Variants in ABCA10 observed in about 807,000 individuals in gnomAD.
The protein encoded by ABCA10 is ATP-binding cassette sub-family A member 10.
Under a neutral mutation model 187.5 loss-of-function variants are expected in ABCA10, and 169 were observed. The ratio of observed to expected loss-of-function variants is 0.90; its 90% confidence interval spans 0.80 to 1.02. The LOEUF (loss-of-function observed/expected upper bound fraction) is 1.02. ABCA10 is among the 50% of genes least tolerant of loss of function. The probability of loss-of-function intolerance (pLI) is 0.00; values close to 1 mark genes in which losing one functional copy is unlikely to be tolerated. For synonymous variants in ABCA10, 574 were observed against 601.8 expected (o/e 0.95, Z 0.68); for missense variants, 1,727 against 1,812.4 (o/e 0.95, Z 0.86).
intron 25 of ABCA10, among the ~76,000 whole-genome samples, chr17:69,170,248 A>G (rs2074287278): frequency 6.6e-6 from 1 of 150,706 alleles, no homozygotes; most frequent in South Asian, 2.1e-4. Flanking sequence ...AGATCGCCCC[A>G]CTGCACTCCA....
chr17:69,193,344 C>T lies in ABCA10; in HGVS notation c.1642-96G>A, dbSNP rs2074475415. Reference sequence around the variant, plus strand: ...CAAGTATGATTTCTAGACTCAAATACAGTCCTCCACCAGATCCCTAACAAG... The same window carrying T: ...CAAGTATGATTTCTAGACTCAAATATAGTCCTCCACCAGATCCCTAACAAG... On this transcript the variant is annotated intron_variant, in intron 14 of 38. Coordinates refer to ENST00000690296, the MANE Select transcript of ABCA10 (RefSeq NM_001377321.1). The T allele has an allele frequency of 2.6e-6, 4 of 1,534,802 alleles. 1 individual carries two copies. In the South Asian group the frequency reaches 3.8e-5, roughly 15 times the overall value.
rs140802240 is a variant in ABCA10 at position 69,201,632 on chromosome 17, A to G, written c.1043T>C (p.Leu348Pro). The G allele has an allele frequency of 9.9e-6, 16 of 1,608,292 alleles. No individual in the cohort carries two copies. In the African/African-American group the frequency reaches 2.1e-4, roughly 22 times the overall value. ...DGHGDSPLFF[L>P]KSSFWSKHQN... The stretch of plus-strand genomic sequence containing the variant: ...ATGTTTGGACCAAAATGAGGACTTA[A>G]GGAAAAATAATGGAGAATCCCCATG... The change falls in exon 10 of 39, where the codon CTT becomes CCT. Residue 348 changes from leucine (L) to proline (P), a missense_variant. Leu to Pro is a moderately conservative substitution (Grantham distance 98). Coordinates refer to ENST00000690296, the MANE Select transcript of ABCA10 (RefSeq NM_001377321.1).
chr17:69,174,760 C>G lies in ABCA10; in HGVS notation c.2895G>C (p.Gln965His). ...AAGGCCAGAGGCCTGAAATCCATAA[C>G]TGGGATTGAACATTTTTCTGACAAA... ...ISDYKKNVQSQLWISGLWPSA... is the reference protein window; with the variant it reads ...ISDYKKNVQSHLWISGLWPSA... The change falls in exon 24 of 39, where the codon CAG becomes CAC. Residue 965 changes from glutamine to histidine, a missense_variant. Gln to His is a conservative substitution (Grantham distance 24). Coordinates refer to ENST00000690296, the MANE Select transcript of ABCA10 (RefSeq NM_001377321.1). 6.3e-7 allele frequency: 1 copy of G among 1,584,486 alleles called. No individual in the cohort carries two copies. The highest frequency in any genetic ancestry group is 8.5e-7 in the Non-Finnish European group (1 of 1,169,834).
At chr17:69,174,944 T>C (rs1414160365) in intron 23 of ABCA10, among the ~76,000 whole-genome samples, 167 bp from the exon 24 acceptor site, 3 of 152,188 alleles carry the variant, frequency 2.0e-5, no homozygotes, top group African/African-American at 4.8e-5. Flanking sequence ...TGTGTAGTTA[T>C]TGGTTCAACA....
chr17:69,242,252 T>A (rs1259608562), intron 1 of ABCA10, among the ~76,000 whole-genome samples: 1 of 152,164 alleles, frequency 6.6e-6, no homozygotes, highest in East Asian at 1.9e-4. Context: ...TACTAGCCAA[T>A]ACATATACAT....
intron 11 of ABCA10, among the ~76,000 whole-genome samples, chr17:69,195,946 C>T (rs1453746217): frequency 1.3e-5 from 2 of 152,126 alleles, no homozygotes; most frequent in Non-Finnish European, 2.9e-5. Flanking sequence ...ATGGAGTCTC[C>T]CATGTCTACT....
intron 25 of ABCA10, among the ~76,000 whole-genome samples, chr17:69,171,350 A>G (rs920894969): frequency 2.0e-5 from 3 of 152,366 alleles, no homozygotes; most frequent in Non-Finnish European, 4.4e-5. Context: ...CAAAATTGAA[A>G]TTTTAAGTAG....
At chr17:69,222,836 G>T in intron 3 of ABCA10, 139 bp from the exon 4 acceptor site, 1 of 714,126 alleles carries the variant, frequency 1.4e-6, no homozygotes, top group Non-Finnish European at 2.0e-6. Flanking sequence ...TTAGTAAAAG[G>T]CTGAGTGAAA....
chr17:69,164,337 T>C (rs1878801833), intron 26 of ABCA10, among the ~76,000 whole-genome samples, 183 bp from the exon 27 acceptor site: 1 of 152,196 alleles, frequency 6.6e-6, no homozygotes, highest in South Asian at 2.1e-4. Context: ...TTTCCTTAGT[T>C]ATGAACTCCA....
At chr17:69,233,646 T>C (rs11871771), upstream of ABCA10, 62,062 of 152,102 alleles carry the variant, frequency 0.41, 13,714 homozygotes, top group South Asian at 0.52. Context: ...TGTCTGCACA[T>C]TGACGGATTA....
At chr17:69,242,092 A>C (rs1036304317) in intron 1 of ABCA10, among the ~76,000 whole-genome samples, 1 of 152,210 alleles carries the variant, frequency 6.6e-6, no homozygotes, top group Non-Finnish European at 1.5e-5. Context: ...CAATTTGTAA[A>C]GCTTGATGTA....
chr17:69,177,968 A>T (rs1158066548), intron 22 of ABCA10, among the ~76,000 whole-genome samples: 1,177 of 43,868 alleles, frequency 0.027, 38 homozygotes, highest in Non-Finnish European at 0.063. Flanking sequence ...AAAAAAAAAA[A>T]AAAAAATATA....
In ABCA10 at chr17:69,153,939, C is replaced by G; in HGVS notation, c.3857G>C (p.Cys1286Ser). Residue 1286 changes from cysteine to serine, a missense_variant, in exon 32 of 39, where the codon TGC (cysteine) becomes TCC (serine). Cys to Ser is a moderately radical substitution (Grantham distance 112, BLOSUM62 -1). Coordinates refer to ENST00000690296, the MANE Select transcript of ABCA10 (RefSeq NM_001377321.1). ...HDNSLKFLGY[C>S]PQENSLWPKL... ...GGGCCACAGTGAGTTCTCCTGAGGG[C>G]AGTACCCCAAGAACTTGAGGCTGTT... 6.2e-7 allele frequency: 1 copy of G among 1,614,046 alleles called. No homozygotes were observed. Among genetic ancestry groups the G allele is most frequent in the Non-Finnish European group, 8.5e-7 (1 of 1,179,976 alleles).
chr17:69,234,960 T>G (rs1450812706), intron 1 of ABCA10: 2 of 152,226 alleles, frequency 1.3e-5, no homozygotes, highest in African/African-American at 2.4e-5. Flanking sequence ...GAATTATCAA[T>G]TAAATTCTTA....
In ABCA10 at chr17:69,214,945, A is replaced by G. The variant is rs1797414391; in HGVS notation, c.859-94T>C. 6.9e-6 allele frequency: 6 copies of G among 872,390 alleles called. 1 individual carries two copies. The South Asian group carries it at 1.2e-4, about 18-fold the overall frequency. 54.0% of individuals were successfully genotyped at this position (872,390 alleles called of 1,614,324 possible). On this transcript the variant is annotated intron_variant, in intron 8 of 38. Coordinates refer to ENST00000690296, the MANE Select transcript of ABCA10 (RefSeq NM_001377321.1). The stretch of plus-strand genomic sequence containing the variant: ...AAAATAGTGGTACCTAGAGATATGT[A>G]ATTAATATTTTAATACCTTTTCAAA...
chr17:69,222,500 A>G, intron 4 of ABCA10, 33 bp downstream of exon 4: 1 of 1,486,142 alleles, frequency 6.7e-7, no homozygotes, highest in Non-Finnish European at 8.9e-7. Flanking sequence ...TGAAGTATCA[A>G]AAAAAAATTA....
rs1427709773 is a variant in ABCA10 at position 69,215,968 on chromosome 17, T to TATTAAA, written c.699_704dup (p.Leu234_Ile235dup). 6.2e-7 allele frequency: 1 copy of TATTAAA among 1,613,148 alleles called. No individual in the cohort carries two copies. Among genetic ancestry groups the TATTAAA allele is most frequent in the Non-Finnish European group, 8.5e-7 (1 of 1,179,778 alleles). ...CCAAACCAGCGAGCATAGGTTTCCT[T>TATTAAA]ATTAAAACACTCATGAGGAAAGCCA... On this transcript the variant is annotated inframe_insertion, in exon 8 of 39. Coordinates refer to ENST00000690296, the MANE Select transcript of ABCA10 (RefSeq NM_001377321.1).
intron 25 of ABCA10, among the ~76,000 whole-genome samples, chr17:69,172,948 G>C (rs981361555): frequency 6.6e-6 from 1 of 152,016 alleles, no homozygotes; most frequent in Non-Finnish European, 1.5e-5. Flanking sequence ...AAAGAAATCT[G>C]GTGTACCTAT....
At chr17:69,220,695 A>G (rs989326468) in intron 5 of ABCA10, among the ~76,000 whole-genome samples, 3 of 152,234 alleles carry the variant, frequency 2.0e-5, no homozygotes, top group African/African-American at 7.2e-5. Flanking sequence ...TATCCAGCAC[A>G]CAGTCAGATA....
Sources: gnomAD v4.1 joint callset for allele counts (sites outside exome capture counted in the v4.1 genomes callset) on GRCh38, gnomAD v4.1.1 for gene constraint, MANE v1.5 for transcripts, NCBI Gene and HGNC (gene_info 2026-07-23, HGNC 2026-07-21) for gene names.